The following STK17A variants were observed in gnomAD, a reference collection of about 807,000 sequenced individuals.
STK17A encodes serine/threonine-protein kinase 17A.
A neutral mutation model predicts 43.7 loss-of-function variants in STK17A; 26 were observed. That is an observed-to-expected ratio of 0.60 (90% CI 0.44 to 0.83). The LOEUF is 0.83. Ranked by LOEUF, STK17A falls within the 40% of genes least tolerant of loss-of-function variation. STK17A has a pLI of 0.00. For missense variants in STK17A, 476 were observed against 511.6 expected (o/e 0.93, Z 0.67); for synonymous variants, 191 against 182.5 (o/e 1.05, Z -0.38).
chr7:43,624,752 A>G lies in STK17A; in HGVS notation c.1155A>G (p.Glu385=). The change falls in exon 7 of 7, where the codon GAA becomes GAG. Residue 385 remains glutamate, a synonymous_variant. Transcript: ENST00000319357. ...SYTLGQCRQS[E]KEKMEQKAIS... is the part of the protein sequence containing the mutation. ...CTCTAGGACAATGCAGACAGTCTGA[A>G]AAAGAGAAAATGGAGCAAAAGGCCA... 6.2e-7 allele frequency: 1 copy of G among 1,613,916 alleles called. No individual in the cohort carries two copies. Among genetic ancestry groups the G allele is most frequent in the Non-Finnish European group, 8.5e-7 (1 of 1,179,844 alleles).
chr7:43,588,174 C>T (rs192074628), intron 1 of STK17A, among the ~76,000 whole-genome samples: 1 of 151,444 alleles, frequency 6.6e-6, no homozygotes, highest in Admixed American at 6.6e-5. Context: ...AAATTATTAT[C>T]ATTGGTTATA....
At chr7:43,596,290 T>C (rs765457204) in intron 2 of STK17A, among the ~76,000 whole-genome samples, 177 bp downstream of exon 2, 2 of 152,234 alleles carry the variant, frequency 1.3e-5, no homozygotes, top group African/African-American at 2.4e-5. Flanking sequence ...CAAGGATGCA[T>C]GTATATTAGC....
intron 1 of STK17A, among the ~76,000 whole-genome samples, chr7:43,589,937 A>AATTTTAATTTT (rs1781059706): frequency 9.6e-6 from 1 of 103,780 alleles, no homozygotes; most frequent in Non-Finnish European, 2.3e-5. Context: ...TTTTAATTTT[A>AATTTTAATTTT]ATTTTATTTT....
At chr7:43,604,360 G>A (rs2082575249) in intron 2 of STK17A, among the ~76,000 whole-genome samples, 1 of 152,098 alleles carries the variant, frequency 6.6e-6, no homozygotes, top group African/African-American at 2.4e-5. Context: ...TGGAGGAGGA[G>A]GCATTTCACA....
intron 1 of STK17A, among the ~76,000 whole-genome samples, chr7:43,583,923 T>A (rs1051443996): frequency 6.6e-6 from 1 of 152,212 alleles, no homozygotes; most frequent in Admixed American, 6.5e-5. Flanking sequence ...GCACCGGCGC[T>A]CTGTTACCTT....
intron 2 of STK17A, among the ~76,000 whole-genome samples, chr7:43,604,669 A>G (rs2082576822): frequency 6.6e-6 from 1 of 151,952 alleles, no homozygotes; most frequent in Non-Finnish European, 1.5e-5. Flanking sequence ...TTTTATTTGT[A>G]TTTATCTGGC....
At chr7:43,611,542 T>C (rs372108569) in intron 3 of STK17A, among the ~76,000 whole-genome samples, 6 of 152,248 alleles carry the variant, frequency 3.9e-5, no homozygotes, top group Non-Finnish European at 4.4e-5. Context: ...GGGGCATTGC[T>C]TTTCCCCTTC....
chr7:43,610,346 C>CAAAAAAAAAA (rs138859141), intron 3 of STK17A, among the ~76,000 whole-genome samples: 2 of 41,326 alleles, frequency 4.8e-5, no homozygotes, highest in African/African-American at 2.2e-4. Context: ...GACTCCGTCT[C>CAAAAAAAAAA]AAAAAAAAAA....
rs568939811 is a variant in STK17A, at chr7:43,598,464, C to T, written c.419+2351C>T. ...CAGCCTGGGTGACACAGCAAGACTC[C>T]GTCTCAAAAAAAAAAAAAAAAAAGG... On this transcript the variant is annotated intron_variant, in intron 2 of 6. Transcript: ENST00000319357. Among the ~76,000 whole-genome samples, 20 of 130,386 alleles carry T rather than the reference C, an allele frequency of 1.5e-4. No homozygotes were observed. The South Asian group carries it at 3.6e-3, about 24-fold the overall frequency. 85.5% of individuals were successfully genotyped at this position (130,386 alleles called of 152,430 possible).
intron 2 of STK17A, 118 bp downstream of exon 2, chr7:43,596,231 A>G: frequency 1.1e-6 from 1 of 908,090 alleles, no homozygotes; most frequent in Non-Finnish European, 1.6e-6. Flanking sequence ...AGAATTTTCT[A>G]GATCATCTTC....
rs542896623 is a variant in STK17A at position 43,585,293 on chromosome 7, C to T, written c.206+1844C>T. ...GCAAATATTACAAAACGAATGTCTT[C>T]AGGTGGCAAGCACTGTCTTGGAGAT... On this transcript the variant is annotated intron_variant, in intron 1 of 6. Coordinates refer to ENST00000319357, the MANE Select transcript of STK17A (RefSeq NM_004760.3). 1.1e-4 allele frequency among the ~76,000 whole-genome samples: 16 copies of T among 142,552 alleles called. No individual in the cohort carries two copies. The East Asian group carries it at 3.1e-3, about 27-fold the overall frequency. The allele number at this position is 142,552 out of a possible 152,430, so 93.5% of individuals were successfully genotyped here.
At chr7:43,595,869 C>G (rs1440615032) in intron 1 of STK17A, 32 bp from the exon 2 acceptor site, 1 of 1,603,218 alleles carries the variant, frequency 6.2e-7, no homozygotes, top group South Asian at 1.1e-5. Flanking sequence ...AAGTTGTCAA[C>G]TTTAACAGTG....
rs750607266 is a variant in STK17A, at chr7:43,608,287, G to A, written c.451G>A (p.Val151Ile). The A allele has an allele frequency of 2.3e-5, 37 of 1,614,018 alleles. No homozygotes were observed. The South Asian group carries it at 4.1e-4, about 18-fold the overall frequency. ...AAGGEIFDQCVADREEAFKEK... is the reference protein window; with the variant it reads ...AAGGEIFDQCIADREEAFKEK... Reference sequence around the variant, plus strand: ...TGGGGGTGAAATCTTTGACCAGTGTGTTGCAGACAGAGAAGAAGCCTTTAA... The same window carrying A: ...TGGGGGTGAAATCTTTGACCAGTGTATTGCAGACAGAGAAGAAGCCTTTAA... The change falls in exon 3 of 7, where the codon GTT becomes ATT. Residue 151 changes from valine to isoleucine, a missense_variant. By Grantham distance (29) the Val-to-Ile change is conservative. Around this residue, in one of 3 missense-constraint regions of STK17A, gnomAD observed 320 missense variants for 326.3 expected, o/e 0.98. Transcript: ENST00000319357.
chr7:43,597,149 T>C (rs1248928186), intron 2 of STK17A, among the ~76,000 whole-genome samples: 2 of 152,082 alleles, frequency 1.3e-5, no homozygotes, highest in South Asian at 2.1e-4. Context: ...ATCTTGCAAA[T>C]ACACACAAAC....
At chr7:43,611,106 G>A (rs1156676056) in intron 3 of STK17A, among the ~76,000 whole-genome samples, 1 of 152,198 alleles carries the variant, frequency 6.6e-6, no homozygotes, top group Non-Finnish European at 1.5e-5. Context: ...GACAGAATGA[G>A]ACTCCGTCTC....
intron 1 of STK17A, among the ~76,000 whole-genome samples, chr7:43,592,370 G>A (rs1187592977): frequency 6.8e-6 from 1 of 147,722 alleles, no homozygotes; most frequent in Non-Finnish European, 1.5e-5. Flanking sequence ...TGCTAGGTAG[G>A]TTGTTACCAA....
chr7:43,609,981 C>T (rs1383164927), intron 3 of STK17A, among the ~76,000 whole-genome samples: 1 of 152,220 alleles, frequency 6.6e-6, no homozygotes, highest in African/African-American at 2.4e-5. Flanking sequence ...TAGGCCACAA[C>T]CCTAAAGTTT....
chr7:43,584,070 A>G (rs1267342350), intron 1 of STK17A, among the ~76,000 whole-genome samples: 2 of 151,708 alleles, frequency 1.3e-5, no homozygotes, highest in Non-Finnish European at 2.9e-5. Context: ...CTCGCTTTTT[A>G]CTTTGCTGGG....
intron 2 of STK17A, among the ~76,000 whole-genome samples, chr7:43,601,396 T>A (rs2082553951): frequency 1.3e-5 from 2 of 152,206 alleles, no homozygotes; most frequent in Non-Finnish European, 2.9e-5. Flanking sequence ...AAAGTTTTTT[T>A]AAAAAATAAG....
Sources: allele counts gnomAD v4.1 joint callset (sites outside exome capture counted in the v4.1 genomes callset), GRCh38; gene constraint gnomAD v4.1.1; regional missense constraint gnomAD v4.1.1; transcripts MANE v1.5; gene names NCBI Gene and HGNC (gene_info 2026-07-23, HGNC 2026-07-21).